The following HTR2A variants were observed in gnomAD, a reference collection of about 807,000 sequenced individuals.
HTR2A encodes the protein 5-HT2 receptor.
A neutral mutation model predicts 31.0 loss-of-function variants in HTR2A; 14 were observed. The observed-to-expected ratio is 0.45, with a 90% confidence interval of 0.30 to 0.71. The LOEUF (loss-of-function observed/expected upper bound fraction) is 0.71, where lower values mean the gene tolerates loss of function less well. Ranked by LOEUF, HTR2A falls within the 30% of genes least tolerant of loss-of-function variation. HTR2A has a pLI of 0.09. For missense variants in HTR2A, 442 were observed against 573.3 expected (o/e 0.77, Z 2.34); for synonymous variants, 209 against 225.2 (o/e 0.93, Z 0.64).
chr13:46,845,699 A>G (rs1308652941), intron 3 of HTR2A, among the ~76,000 whole-genome samples: 1 of 152,032 alleles, frequency 6.6e-6, no homozygotes, highest in Admixed American at 6.6e-5. Flanking sequence ...CAGAGATATA[A>G]GCAGAAAACT....
At chr13:46,845,473 G>C (rs1383581284) in intron 3 of HTR2A, among the ~76,000 whole-genome samples, 4 of 152,096 alleles carry the variant, frequency 2.6e-5, no homozygotes. Flanking sequence ...GCATTGAGCA[G>C]GTCCTCTATC....
intron 3 of HTR2A, among the ~76,000 whole-genome samples, chr13:46,877,389 G>A (rs2138235406): frequency 6.6e-6 from 1 of 152,174 alleles, no homozygotes; most frequent in Non-Finnish European, 1.5e-5. Context: ...TACTAACTAG[G>A]CCTTCATAAT....
intron 3 of HTR2A, among the ~76,000 whole-genome samples, chr13:46,845,550 G>A (rs1246824668): frequency 6.6e-6 from 1 of 151,510 alleles, no homozygotes; most frequent in Non-Finnish European, 1.5e-5. Flanking sequence ...CACTGAGCTA[G>A]GTACTTGAGG....
intron 3 of HTR2A, among the ~76,000 whole-genome samples, chr13:46,885,416 G>A (rs543653979): frequency 3.9e-4 from 59 of 152,254 alleles, no homozygotes; most frequent in African/African-American, 1.3e-3. Context: ...GTGGTTAACT[G>A]GGTAAATAAA....
Position 46,834,950 on chromosome 13 carries a change from C to G in HTR2A, c.1303G>C (p.Asp435His), listed in dbSNP as rs1876388073. 5 of 1,613,996 alleles carry G rather than the reference C, an allele frequency of 3.1e-6. No homozygotes were observed. In the Admixed American group the frequency reaches 6.7e-5, roughly 22 times the overall value. Residue 435 changes from aspartate to histidine, a missense_variant, in exon 4 of 4, where the codon GAT becomes CAT. By Grantham distance (81) the Asp-to-His change is moderately conservative. This residue lies in a region of HTR2A where 88 missense variants were observed against 83.1 expected (regional missense o/e 1.06). Transcript: ENST00000542664. ...QMGQKKNSKQ[D>H]AKTTDNDCSM... ...CAGTCATTATCTGTTGTCTTGGCATCTTGCTTTGAATTCTTTTTTTGTCCC... is the reference window on the plus strand; with the variant it reads ...CAGTCATTATCTGTTGTCTTGGCATGTTGCTTTGAATTCTTTTTTTGTCCC...
At chr13:46,856,771 T>C (rs1254989277) in intron 3 of HTR2A, among the ~76,000 whole-genome samples, 1 of 152,190 alleles carries the variant, frequency 6.6e-6, no homozygotes, top group Non-Finnish European at 1.5e-5. Flanking sequence ...ATCTGGCAAA[T>C]ACTTAGTGAA....
In HTR2A at chr13:46,834,899, G is replaced by A. The variant is rs6314; in HGVS notation, c.1354C>T (p.His452Tyr). 140,730 of 1,613,530 alleles carry A rather than the reference G, an allele frequency of 0.087. 6,772 individuals are homozygous for A. The highest frequency in any genetic ancestry group is 0.13 in the African/African-American group (9,566 of 74,984). Residue 452 changes from histidine to tyrosine, a missense_variant, in exon 4 of 4, where the codon CAT becomes TAT. Physicochemically the swap from His to Tyr is moderately conservative, Grantham distance 83. This residue lies in a region of HTR2A where 88 missense variants were observed against 83.1 expected (regional missense o/e 1.06). Coordinates refer to ENST00000542664, the MANE Select transcript of HTR2A (RefSeq NM_000621.5). ...DCSMVALGKQ[H>Y]SEEASKDNSD... is the part of the protein sequence containing the mutation. ...TTGTCTTTAGAAGCCTCTTCAGAAT[G>A]CTGCTTTCCTAGAGCAACCATTGAG...
intron 3 of HTR2A, among the ~76,000 whole-genome samples, chr13:46,889,830 C>A (rs1423570813): frequency 6.6e-6 from 1 of 152,164 alleles, no homozygotes; most frequent in Non-Finnish European, 1.5e-5. Context: ...TGTGCTGAGT[C>A]TCTGTAGGTC....
At chr13:46,849,808 C>G (rs1437420244) in intron 3 of HTR2A, among the ~76,000 whole-genome samples, 2 of 152,142 alleles carry the variant, frequency 1.3e-5, no homozygotes, top group Non-Finnish European at 2.9e-5. Context: ...CTTGTTTGGT[C>G]TATTTATTTG....
chr13:46,871,977 C>T (rs907854432), intron 3 of HTR2A, among the ~76,000 whole-genome samples: 2 of 152,176 alleles, frequency 1.3e-5, no homozygotes, highest in Non-Finnish European at 2.9e-5. Flanking sequence ...TTACTTTAGT[C>T]GTATCTTTTA....
intron 3 of HTR2A, among the ~76,000 whole-genome samples, chr13:46,862,644 C>T (rs921188398): frequency 2.0e-4 from 31 of 152,240 alleles, no homozygotes; most frequent in Middle Eastern, 3.4e-3. Context: ...TAGTGGCTTC[C>T]GCTAAGTGAA....
rs1401462552 is a variant in HTR2A, at chr13:46,895,943, G to A, written c.-37C>T. The A allele has an allele frequency of 1.1e-5, 18 of 1,566,744 alleles. No homozygotes were observed. The highest frequency in any genetic ancestry group is 1.5e-5 in the Non-Finnish European group (17 of 1,158,702). ...AACTTGTAGCAGATGAGGTGTAGAA[G>A]GACTAACAGGTTATAGTTTCTGCTC... On this transcript the variant is annotated 5_prime_UTR_variant, in exon 2 of 4. Coordinates refer to ENST00000542664, the MANE Select transcript of HTR2A (RefSeq NM_000621.5). The surrounding 1 kb of genome is among the most constrained non-coding windows in gnomAD (Gnocchi z 4.4).
At chr13:46,858,088 G>A (rs538146877) in intron 3 of HTR2A, among the ~76,000 whole-genome samples, 2 of 152,232 alleles carry the variant, frequency 1.3e-5, no homozygotes, top group African/African-American at 4.8e-5. Flanking sequence ...TTTAGTGATT[G>A]GGTGGAGGTG....
intron 3 of HTR2A, among the ~76,000 whole-genome samples, chr13:46,886,019 G>A (rs1951003695): frequency 6.6e-6 from 1 of 151,850 alleles, no homozygotes; most frequent in South Asian, 2.1e-4. Context: ...AATATTTTTC[G>A]TTTAACTTTG....
chr13:46,835,074 C>A lies in HTR2A; in HGVS notation c.1179G>T (p.Arg393=). The change falls in exon 4 of 4, where the codon CGG becomes CGT. Residue 393 remains arginine, a synonymous_variant. Transcript: ENST00000542664. The part of the protein sequence containing the change: ...FNKTYRSAFS[R]YIQCQYKENK... ...TTTCCTTGTACTGACACTGAATATA[C>A]CGTGAAAAGGCTGACCTATAGGTCT... 2 of 1,614,036 alleles carry A rather than the reference C, an allele frequency of 1.2e-6. No homozygotes were observed. The highest frequency in any genetic ancestry group is 8.5e-7 in the Non-Finnish European group (1 of 1,179,978).
At position 46,833,513 on chromosome 13, in the gene HTR2A, A is replaced by G. The variant is rs1247315478; in HGVS notation, c.*1324T>C. 6.6e-6 allele frequency: 1 copy of G among 151,966 alleles called. No individual in the cohort carries two copies. Among genetic ancestry groups the G allele is most frequent in the Non-Finnish European group, 1.5e-5 (1 of 68,008 alleles). The allele number at this position is 151,966 out of a possible 1,614,324, so 9.4% of individuals were successfully genotyped here. A position where few individuals can be genotyped will look rare whatever the true frequency, so the allele number is the denominator to read the frequency against. ...GTAGCTGGGACCACAGTTGTGTGCC[A>G]CAAGGATCAGATAATTTTTTGATTT... is the stretch of plus-strand genomic sequence containing the variant. On this transcript the variant is annotated 3_prime_UTR_variant, in exon 4 of 4. Transcript: ENST00000542664.
chr13:46,877,151 T>C (rs912127), intron 3 of HTR2A, among the ~76,000 whole-genome samples: 121,684 of 152,114 alleles, frequency 0.8, 49,096 homozygotes, highest in African/African-American at 0.91. Flanking sequence ...TACTGTACCC[T>C]TTCTTATATA....
chr13:46,888,338 C>A (rs1202167039), intron 3 of HTR2A, among the ~76,000 whole-genome samples: 5 of 151,806 alleles, frequency 3.3e-5, no homozygotes, highest in Non-Finnish European at 1.5e-5. Context: ...AAAATAGAGA[C>A]AAAACATTCT....
At chr13:46,884,892 C>T (rs1282693544) in intron 3 of HTR2A, among the ~76,000 whole-genome samples, 1 of 152,052 alleles carries the variant, frequency 6.6e-6, no homozygotes, top group Non-Finnish European at 1.5e-5. Flanking sequence ...TGAGCTCACA[C>T]CATGCATACC....
Sources: allele counts gnomAD v4.1 joint callset (sites outside exome capture counted in the v4.1 genomes callset), GRCh38; gene constraint gnomAD v4.1.1; regional missense constraint gnomAD v4.1.1; non-coding constraint Gnocchi (gnomAD v3.1); transcripts MANE v1.5; gene names NCBI Gene and HGNC (gene_info 2026-07-23, HGNC 2026-07-21).